Variants in ELMOD1 observed in about 807,000 individuals in gnomAD.
ELMOD1 encodes ELMO domain containing 1, also known as ELMO domain-containing protein 1.
In ELMOD1, 21 loss-of-function variants were observed where a neutral mutation model predicts 46.7. That is an observed-to-expected ratio of 0.45 (90% CI 0.32 to 0.65). The LOEUF (loss-of-function observed/expected upper bound fraction) is 0.65, where lower values mean the gene tolerates loss of function less well. Among genes scored for constraint, ELMOD1 ranks in the 30% least tolerant of loss-of-function variants. ELMOD1 has a pLI of 0.04. For synonymous variants in ELMOD1, 122 were observed against 138.2 expected, an observed-to-expected ratio of 0.88 and a Z score of 0.82; for missense variants, 348 against 407.8, an observed-to-expected ratio of 0.85 and a Z score of 1.26.
chr11:107,612,743 C>T (rs1939895), intron 1 of ELMOD1, among the ~76,000 whole-genome samples: 58,305 of 152,054 alleles, frequency 0.38, 12,405 homozygotes, highest in East Asian at 0.71. Context: ...AGAACATTAA[C>T]AAGTGGGTCT....
intron 11 of ELMOD1, among the ~76,000 whole-genome samples, chr11:107,661,814 G>A (rs951313615): frequency 2.0e-5 from 3 of 152,140 alleles, no homozygotes; most frequent in Non-Finnish European, 2.9e-5. Context: ...AACAAGTACC[G>A]CAGATCATTC....
intron 1 of ELMOD1, among the ~76,000 whole-genome samples, chr11:107,614,240 G>T (rs1437163408): frequency 6.6e-6 from 1 of 152,010 alleles, no homozygotes. Context: ...TCTTTGCCTG[G>T]GTTATTGCAA....
At chr11:107,655,118 A>G (rs1250192141) in intron 10 of ELMOD1, among the ~76,000 whole-genome samples, 1 of 151,234 alleles carries the variant, frequency 6.6e-6, no homozygotes, top group Non-Finnish European at 1.5e-5. Flanking sequence ...GCTCATGTTA[A>G]TATTTTGTGG....
chr11:107,655,501 G>A (rs982503631), intron 10 of ELMOD1, among the ~76,000 whole-genome samples: 5 of 150,490 alleles, frequency 3.3e-5, no homozygotes, highest in African/African-American at 9.8e-5. Context: ...ATAGGGTGGG[G>A]ACGGAAGGGT....
intron 2 of ELMOD1, among the ~76,000 whole-genome samples, chr11:107,629,200 C>T (rs1317245718): frequency 6.6e-6 from 1 of 152,074 alleles, no homozygotes; most frequent in Non-Finnish European, 1.5e-5. Flanking sequence ...GCTATTGGAA[C>T]CAGAGCAATT....
intron 11 of ELMOD1, among the ~76,000 whole-genome samples, chr11:107,664,207 G>A (rs1202975708): frequency 6.7e-6 from 1 of 149,984 alleles, no homozygotes; most frequent in East Asian, 1.9e-4. Context: ...AACACATAGA[G>A]ACACCTGAGC....
Position 107,655,333 on chromosome 11 carries a change from A to T in ELMOD1, c.699-600A>T, listed in dbSNP as rs950156132. The stretch of plus-strand genomic sequence containing the variant: ...TAGTTTCCATGTCATTGCCATTATT[A>T]AAAATGCTATAATGAATTATATCTA... On this transcript the variant is annotated intron_variant, in intron 10 of 11. Transcript: ENST00000265840. Among the ~76,000 whole-genome samples the T allele has an allele frequency of 1.7e-4, 26 of 152,276 alleles. No individual in the cohort carries two copies. In the East Asian group the frequency reaches 4.1e-3, roughly 24 times the overall value.
intron 6 of ELMOD1, among the ~76,000 whole-genome samples, chr11:107,638,506 A>G (rs1420296204): frequency 1.3e-5 from 2 of 152,192 alleles, no homozygotes; most frequent in African/African-American, 4.8e-5. Flanking sequence ...ACACTGCACT[A>G]GGTCTTGAGA....
At chr11:107,645,974 T>A (rs185836321) in intron 6 of ELMOD1, among the ~76,000 whole-genome samples, 1 of 152,360 alleles carries the variant, frequency 6.6e-6, no homozygotes, top group East Asian at 1.9e-4. Flanking sequence ...TATTACTGTT[T>A]CATTTAAGCT....
chr11:107,625,398 A>G (rs1866023820), intron 2 of ELMOD1: 1 of 982,540 alleles, frequency 1.0e-6, no homozygotes, highest in Admixed American at 6.2e-5. Context: ...TTATTACAGG[A>G]TTTCTTCAAG....
chr11:107,656,060 A>G lies in ELMOD1; in HGVS notation c.826A>G (p.Thr276Ala), dbSNP rs1319143508. ...EAPTLSHFQQ[T>A]FCYLMHEFHK... The stretch of plus-strand genomic sequence containing the variant: ...TCCAACATTGTCTCACTTTCAGCAA[A>G]CATTCTGTAAGTATCCTGTTGTATA... Residue 276 changes from threonine to alanine, a missense_variant, in exon 11 of 12, where the codon ACA becomes GCA. Coordinates refer to ENST00000265840, the MANE Select transcript of ELMOD1 (RefSeq NM_018712.4). The G allele has an allele frequency of 3.9e-6, 6 of 1,553,270 alleles. No individual in the cohort carries two copies. The highest frequency in any genetic ancestry group is 3.9e-5 in the Admixed American group (2 of 51,038).
chr11:107,610,462 G>A (rs1309499797), intron 1 of ELMOD1, among the ~76,000 whole-genome samples: 2 of 151,950 alleles, frequency 1.3e-5, no homozygotes, highest in South Asian at 2.1e-4. Flanking sequence ...CCGGGAGTTC[G>A]AGACCAGCCT....
At chr11:107,620,953 C>A (rs1865937363) in intron 2 of ELMOD1, among the ~76,000 whole-genome samples, 1 of 152,146 alleles carries the variant, frequency 6.6e-6, no homozygotes, top group African/African-American at 2.4e-5. Context: ...AAAGAAGGAA[C>A]ATTTTTTAAG....
chr11:107,661,429 T>G (rs764117357), intron 11 of ELMOD1, among the ~76,000 whole-genome samples: 19 of 152,210 alleles, frequency 1.2e-4, no homozygotes, highest in Non-Finnish European at 1.3e-4. Flanking sequence ...AAAAGATGAT[T>G]TTTCATATTG....
At chr11:107,613,940 A>G (rs189772893) in intron 1 of ELMOD1, among the ~76,000 whole-genome samples, 201 of 152,340 alleles carry the variant, frequency 1.3e-3, no homozygotes, top group Non-Finnish European at 4.6e-4. Flanking sequence ...CCTGACCTTC[A>G]GATCCATGAA....
intron 6 of ELMOD1, among the ~76,000 whole-genome samples, chr11:107,644,158 T>C (rs1023452164): frequency 4.6e-5 from 7 of 151,958 alleles, no homozygotes; most frequent in African/African-American, 1.7e-4. Flanking sequence ...GAGCTGGGCA[T>C]GGTGGTACAC....
At chr11:107,608,915 G>T (rs1189483401) in intron 1 of ELMOD1, among the ~76,000 whole-genome samples, 2 of 152,138 alleles carry the variant, frequency 1.3e-5, no homozygotes, top group African/African-American at 4.8e-5. Context: ...TTATTCTCAT[G>T]TCAATCCAGA....
chr11:107,654,282 T>C, intron 10 of ELMOD1, 60 bp downstream of exon 10: 1 of 1,406,694 alleles, frequency 7.1e-7, no homozygotes. Context: ...GAACTAGAAC[T>C]AGAGTATCAT....
At chr11:107,601,667 C>T (rs879680073) in intron 1 of ELMOD1, among the ~76,000 whole-genome samples, 11 of 152,064 alleles carry the variant, frequency 7.2e-5, no homozygotes, top group East Asian at 1.9e-4. Context: ...CCACCTGCCT[C>T]GGCCTCCCAA....
Sources: gnomAD v4.1 joint callset for allele counts (sites outside exome capture counted in the v4.1 genomes callset) on GRCh38, gnomAD v4.1.1 for gene constraint, MANE v1.5 for transcripts, NCBI Gene and HGNC (gene_info 2026-07-23, HGNC 2026-07-21) for gene names.